Variants in SLC36A1 observed in about 807,000 individuals in gnomAD.
SLC36A1 encodes the protein proton-coupled amino acid transporter 1.
A neutral mutation model predicts 47.5 loss-of-function variants in SLC36A1; 30 were observed. The ratio of observed to expected loss-of-function variants is 0.63; its 90% CI spans 0.47 to 0.86. The LOEUF (loss-of-function observed/expected upper bound fraction) is 0.86. Ranked by LOEUF, SLC36A1 falls within the 40% of genes least tolerant of loss-of-function variation. The probability of loss-of-function intolerance (pLI) is 0.00; values close to 1 mark genes in which losing one functional copy is unlikely to be tolerated. For synonymous variants in SLC36A1, 255 were observed against 249.7 expected, an observed-to-expected ratio of 1.02 and a Z score of -0.20; for missense variants, 517 against 606.0, an observed-to-expected ratio of 0.85 and a Z score of 1.54.
chr5:151,507,442 T>G, the SLC36A1 span: 1 of 1,614,156 alleles, frequency 6.2e-7, no homozygotes, highest in Non-Finnish European at 8.5e-7. Context: ...GCCACAGGCT[T>G]GTGAGACTTG....
intron 8 of SLC36A1, 126 bp downstream of exon 8, chr5:151,473,897 C>G (rs1272665571): frequency 1.3e-6 from 1 of 757,204 alleles, no homozygotes; most frequent in East Asian, 2.6e-5. Context: ...TGGTGGCTCA[C>G]GCCTGTAATC....
At chr5:151,453,902 GT>G (rs1157190374) in intron 1 of SLC36A1, among the ~76,000 whole-genome samples, 1 of 151,402 alleles carries the variant, frequency 6.6e-6, no homozygotes, top group East Asian at 1.9e-4. Context: ...TAAAAATTCA[GT>G]TTGCACATAC....
chr5:151,454,709 G>GT lies in SLC36A1; in HGVS notation c.-5-4079_-5-4078insT, dbSNP rs1561730689. Among the ~76,000 whole-genome samples the GT allele has an allele frequency of 3.6e-3, 354 of 99,546 alleles. 3 individuals carry two copies. Among genetic ancestry groups the GT allele is most frequent in the African/African-American group, 0.015 (330 of 21,298 alleles). 65.3% of individuals were successfully genotyped at this position (99,546 alleles called of 152,430 possible). ...AATAACAAGTCTAATCCATGTGACAGCTTTTTTTTTTTTTTTTTTTTGAGA... is the reference window on the plus strand; with the variant it reads ...AATAACAAGTCTAATCCATGTGACAGTCTTTTTTTTTTTTTTTTTTTTGAGA... On this transcript the variant is annotated intron_variant, in intron 1 of 10. Coordinates refer to ENST00000243389, the MANE Select transcript of SLC36A1 (RefSeq NM_078483.4).
chr5:151,533,507 A>G, the SLC36A1 span, among the ~76,000 whole-genome samples: 1 of 151,264 alleles, frequency 6.6e-6, no homozygotes, highest in Non-Finnish European at 1.5e-5. Context: ...ACATCCCTCG[A>G]ATATCTCACC....
the SLC36A1 span, among the ~76,000 whole-genome samples, chr5:151,413,205 G>C: frequency 6.6e-6 from 1 of 151,554 alleles, no homozygotes; most frequent in East Asian, 1.9e-4. Flanking sequence ...ATTCTGAACA[G>C]GGACAGAGAG....
chr5:151,554,398 G>C, the SLC36A1 span: 3 of 1,614,176 alleles, frequency 1.9e-6, no homozygotes, highest in South Asian at 3.3e-5. Flanking sequence ...TAAAAGTGCT[G>C]CTGGATGAAA....
chr5:151,522,172 C>T, the SLC36A1 span: 43 of 1,109,248 alleles, frequency 3.9e-5, no homozygotes, highest in Middle Eastern at 6.2e-4. Flanking sequence ...TGTGGAGCTA[C>T]GTTTCTCTGC....
At position 151,461,708 on chromosome 5, in the gene SLC36A1, T is replaced by C. The variant is rs1581118003; in HGVS notation, c.144-1845T>C. Among the ~76,000 whole-genome samples the C allele has an allele frequency of 2.0e-5, 3 of 152,356 alleles. No individual in the cohort carries two copies. In the South Asian group the frequency reaches 6.2e-4, roughly 32 times the overall value. ...GAATCAAGGCAGTGGCACCAAATTA[T>C]ACTAGTTGTCGTTGTATTTTTCACT... On this transcript the variant is annotated intron_variant, in intron 2 of 10. Coordinates refer to ENST00000243389, the MANE Select transcript of SLC36A1 (RefSeq NM_078483.4).
At chr5:151,541,194 G>T in the SLC36A1 span, among the ~76,000 whole-genome samples, 1 of 152,202 alleles carries the variant, frequency 6.6e-6, no homozygotes, top group Non-Finnish European at 1.5e-5. Flanking sequence ...CTAAGTGGAG[G>T]TTCTGTAGGA....
the SLC36A1 span, among the ~76,000 whole-genome samples, chr5:151,399,751 T>C: frequency 6.6e-6 from 1 of 152,216 alleles, no homozygotes; most frequent in East Asian, 1.9e-4. Context: ...TGAGACCCAC[T>C]GAAAAGAGAA....
the SLC36A1 span, chr5:151,510,258 G>A: frequency 6.9e-7 from 1 of 1,455,372 alleles, no homozygotes; most frequent in Non-Finnish European, 9.5e-7. Flanking sequence ...GTGTGTTTGT[G>A]CAGCCGTTCA....
At chr5:151,399,084 A>ATTT in the SLC36A1 span, among the ~76,000 whole-genome samples, 5 of 60,068 alleles carry the variant, frequency 8.3e-5, no homozygotes, top group African/African-American at 2.2e-4. Context: ...ATATATATAT[A>ATTT]TTTTTTTTTT....
chr5:151,555,562 G>T, the SLC36A1 span, among the ~76,000 whole-genome samples: 1 of 151,770 alleles, frequency 6.6e-6, no homozygotes, highest in Non-Finnish European at 1.5e-5. Flanking sequence ...TACAGATGGG[G>T]TTTCATCATG....
At chr5:151,459,867 A>G (rs770538233) in intron 2 of SLC36A1, 2 of 152,218 alleles carry the variant, frequency 1.3e-5, no homozygotes, top group Non-Finnish European at 2.9e-5. Flanking sequence ...GTCTGCTGGT[A>G]CAGGGCATTT....
chr5:151,373,814 A>C, the SLC36A1 span, among the ~76,000 whole-genome samples: 1 of 152,168 alleles, frequency 6.6e-6, no homozygotes, highest in Non-Finnish European at 1.5e-5. Flanking sequence ...AGCTCACTGC[A>C]ACCTCAAACT....
the SLC36A1 span, among the ~76,000 whole-genome samples, chr5:151,358,776 A>G: frequency 1.3e-5 from 2 of 151,640 alleles, no homozygotes; most frequent in African/African-American, 4.9e-5. Context: ...GATCGAGACC[A>G]TCCTGGCTAA....
At chr5:151,533,117 T>C in the SLC36A1 span, among the ~76,000 whole-genome samples, 2 of 152,022 alleles carry the variant, frequency 1.3e-5, no homozygotes, top group Non-Finnish European at 1.5e-5. Context: ...ATCTGTGTGA[T>C]TGTAGAGGGC....
At chr5:151,470,786 T>C (rs1015825838) in intron 7 of SLC36A1, 18 of 152,260 alleles carry the variant, frequency 1.2e-4, no homozygotes, top group African/African-American at 3.6e-4. Context: ...ATCCTAAGCA[T>C]GTACATGACT....
At chr5:151,527,162 T>C in the SLC36A1 span, 4 of 1,469,540 alleles carry the variant, frequency 2.7e-6, no homozygotes, top group Non-Finnish European at 3.7e-6. Context: ...CTAATGCCAC[T>C]GAGGGGCATC....
Sources: gnomAD v4.1 joint callset for allele counts (sites outside exome capture counted in the v4.1 genomes callset) on GRCh38, gnomAD v4.1.1 for gene constraint, MANE v1.5 for transcripts, NCBI Gene and HGNC (gene_info 2026-07-23, HGNC 2026-07-21) for gene names.